Variants in PGR observed in about 807,000 individuals in gnomAD.
PGR encodes progesterone receptor.
PGR carries 25 observed loss-of-function variants against 76.1 expected under a neutral mutation model. The ratio of observed to expected loss-of-function variants is 0.33; its 90% CI spans 0.24 to 0.46. The LOEUF (loss-of-function observed/expected upper bound fraction) is 0.46. PGR is among the 20% of genes least tolerant of loss of function. The pLI is 1.00. For missense variants in PGR, 1,172 were observed against 1,225.3 expected, an observed-to-expected ratio of 0.96 and a Z score of 0.65; for synonymous variants, 579 against 535.0, an observed-to-expected ratio of 1.08 and a Z score of -1.14.
At position 101,127,695 on chromosome 11, in the gene PGR, T is replaced by C; in HGVS notation, c.1376A>G (p.Glu459Gly). ...SSASSSGSTL[E>G]CILYKAEGAP... ...GCCCTCCGCTTTGTACAGGATGCAC[T>C]CCAGGGTCGACCCCGAGGAGGACGC... The change falls in exon 1 of 8, where the codon GAG becomes GGG. Residue 459 changes from glutamate (E) to glycine (G), a missense_variant. Glu to Gly is a moderately conservative substitution (Grantham distance 98). Coordinates refer to ENST00000325455, the MANE Select transcript of PGR (RefSeq NM_000926.4). 6.3e-7 allele frequency: 1 copy of C among 1,582,166 alleles called. No individual in the cohort carries two copies. Among genetic ancestry groups the C allele is most frequent in the South Asian group, 1.1e-5 (1 of 88,358 alleles).
intron 2 of PGR, among the ~76,000 whole-genome samples, chr11:101,093,841 G>T (rs1308788175): frequency 6.6e-6 from 1 of 152,168 alleles, no homozygotes; most frequent in Non-Finnish European, 1.5e-5. Flanking sequence ...CCTACTGTCT[G>T]CTCCTTGGTC....
At chr11:101,124,171 A>T (rs957223909) in intron 2 of PGR, among the ~76,000 whole-genome samples, 1 of 152,164 alleles carries the variant, frequency 6.6e-6, no homozygotes, top group African/African-American at 2.4e-5. Context: ...AAGGTGCTTC[A>T]CTTCTAGTAC....
At chr11:101,080,680 G>A (rs1251320576) in intron 3 of PGR, among the ~76,000 whole-genome samples, 1 of 152,030 alleles carries the variant, frequency 6.6e-6, no homozygotes, top group African/African-American at 2.4e-5. Flanking sequence ...TCAAAGCATG[G>A]ATTGCAAGGA....
chr11:101,077,700 T>A (rs188845435), intron 3 of PGR, among the ~76,000 whole-genome samples: 74 of 152,218 alleles, frequency 4.9e-4, no homozygotes, highest in African/African-American at 7.2e-5. Flanking sequence ...CTGAGGACCA[T>A]CCCCAGCTAG....
intron 2 of PGR, among the ~76,000 whole-genome samples, chr11:101,115,781 A>G (rs1389120578): frequency 1.2e-4 from 18 of 152,114 alleles, no homozygotes; most frequent in Admixed American, 1.2e-3. Flanking sequence ...AAAAAAAAAG[A>G]TAAGAATAAA....
At chr11:101,108,024 C>A (rs188819574) in intron 2 of PGR, among the ~76,000 whole-genome samples, 19 of 151,544 alleles carry the variant, frequency 1.3e-4, no homozygotes. Context: ...GAGGCTGAGG[C>A]AGGCAGATCA....
At chr11:101,091,605 T>TCATTCA (rs1861675278) in intron 3 of PGR, among the ~76,000 whole-genome samples, 155 bp downstream of exon 3, 1 of 152,232 alleles carries the variant, frequency 6.6e-6, no homozygotes, top group Non-Finnish European at 1.5e-5. Flanking sequence ...TGGTATTGGT[T>TCATTCA]GCTTCATTCA....
chr11:101,092,635 A>C (rs1199618499), intron 2 of PGR, among the ~76,000 whole-genome samples: 1 of 152,194 alleles, frequency 6.6e-6, no homozygotes, highest in East Asian at 1.9e-4. Context: ...TGGCACATGA[A>C]TTTAATATTC....
chr11:101,041,695 A>G, intron 7 of PGR: 2 of 450,514 alleles, frequency 4.4e-6, no homozygotes, highest in Non-Finnish European at 7.9e-6. Flanking sequence ...CAGGAAATGT[A>G]CCATAATTTC....
At chr11:101,073,946 A>G (rs1158330423) in intron 3 of PGR, among the ~76,000 whole-genome samples, 4 of 152,160 alleles carry the variant, frequency 2.6e-5, no homozygotes, top group African/African-American at 9.7e-5. Flanking sequence ...ATTCCAAACA[A>G]TAGAAAAAGA....
intron 3 of PGR, among the ~76,000 whole-genome samples, chr11:101,082,339 G>T (rs1192837692): frequency 1.3e-5 from 2 of 152,222 alleles, no homozygotes; most frequent in Non-Finnish European, 2.9e-5. Flanking sequence ...CAGAAAATTG[G>T]TACTGGGAGA....
intron 5 of PGR, 53 bp downstream of exon 5, chr11:101,051,371 A>G (rs1860084112): frequency 8.2e-7 from 1 of 1,223,744 alleles, no homozygotes; most frequent in Admixed American, 1.7e-5. Flanking sequence ...AACTTTCAAA[A>G]TTATCCTACA....
intron 2 of PGR, among the ~76,000 whole-genome samples, chr11:101,118,870 T>C (rs1056183442): frequency 3.3e-5 from 5 of 152,202 alleles, no homozygotes; most frequent in African/African-American, 4.8e-5. Context: ...ATACAGAGTA[T>C]GTGACTTTCT....
rs56355097 is a variant in PGR at position 101,107,865 on chromosome 11, T to TAAAAAAA, written c.1790-15996_1790-15990dup. On this transcript the variant is annotated intron_variant, in intron 2 of 7. Coordinates refer to ENST00000325455, the MANE Select transcript of PGR (RefSeq NM_000926.4). ...CCAGTCTTACTTGAAACTGGCTTTG[T>TAAAAAAA]AAAAAAAAAAAAAAAGAAAGAAAAA... is the stretch of plus-strand genomic sequence containing the variant. Among the ~76,000 whole-genome samples the TAAAAAAA allele has an allele frequency of 2.7e-3, 327 of 119,208 alleles. 12 individuals are homozygous for TAAAAAAA. The highest frequency in any genetic ancestry group is 0.01 in the African/African-American group (310 of 30,272). The allele number at this position is 119,208 out of a possible 152,430, so 78.2% of individuals were successfully genotyped here.
chr11:101,069,905 A>G (rs1386107489), intron 3 of PGR, among the ~76,000 whole-genome samples: 1 of 152,052 alleles, frequency 6.6e-6, no homozygotes, highest in African/African-American at 2.4e-5. Context: ...TCTAATGTAG[A>G]TGATGGATTG....
rs1859494104 is a variant in PGR at position 101,035,878 on chromosome 11, T to TG, written c.*3237dup. 4.3e-6 allele frequency: 1 copy of TG among 231,274 alleles called. No individual in the cohort carries two copies. Among genetic ancestry groups the TG allele is most frequent in the Admixed American group, 5.6e-5 (1 of 17,730 alleles). 14.3% of individuals were successfully genotyped at this position (231,274 alleles called of 1,614,324 possible). On this transcript the variant is annotated 3_prime_UTR_variant, in exon 8 of 8. Transcript: ENST00000325455. ...TCCTGCTTTCACTGTAGAATATAGCTGGTGAGTTTGATAAAATTATAGCCA... is the reference window on the plus strand; with the variant it reads ...TCCTGCTTTCACTGTAGAATATAGCTGGGTGAGTTTGATAAAATTATAGCCA...
At chr11:101,080,871 G>A (rs1471125911) in intron 3 of PGR, among the ~76,000 whole-genome samples, 2 of 151,888 alleles carry the variant, frequency 1.3e-5, no homozygotes, top group African/African-American at 4.8e-5. Context: ...TCAAGCAGAA[G>A]AAAAAATTTT....
At chr11:101,040,264 T>C (rs563656) in intron 7 of PGR, among the ~76,000 whole-genome samples, 41,900 of 151,920 alleles carry the variant, frequency 0.28, 6,039 homozygotes, top group African/African-American at 0.37. Flanking sequence ...CAGTTCCATT[T>C]ATTTTTCCTG....
At chr11:101,116,242 C>T (rs1862503256) in intron 2 of PGR, among the ~76,000 whole-genome samples, 1 of 152,230 alleles carries the variant, frequency 6.6e-6, no homozygotes. Flanking sequence ...AGAGTAACCT[C>T]AAGCTTTTGC....
Sources: gnomAD v4.1 joint callset for allele counts (sites outside exome capture counted in the v4.1 genomes callset) on GRCh38, gnomAD v4.1.1 for gene constraint, MANE v1.5 for transcripts, NCBI Gene and HGNC (gene_info 2026-07-23, HGNC 2026-07-21) for gene names.